Variants in DIAPH3 observed in about 807,000 individuals in gnomAD.
DIAPH3 encodes diaphanous related formin 3.
A neutral mutation model predicts 144.3 loss-of-function variants in DIAPH3; 117 were observed. That is an observed-to-expected ratio of 0.81 (90% CI 0.70 to 0.95). The LOEUF (loss-of-function observed/expected upper bound fraction) is 0.95. Among genes scored for constraint, DIAPH3 ranks in the 40% least tolerant of loss-of-function variants. DIAPH3 has a pLI of 0.00. For synonymous variants in DIAPH3, 519 were observed against 488.9 expected (o/e 1.06, Z -0.81); for missense variants, 1,421 against 1,412.7 (o/e 1.01, Z -0.09).
chr13:59,680,692 G>C (rs940313335), intron 27 of DIAPH3, among the ~76,000 whole-genome samples: 3 of 151,266 alleles, frequency 2.0e-5, no homozygotes, highest in African/African-American at 7.3e-5. Flanking sequence ...AATAACTTTT[G>C]GTGACTTAAA....
chr13:59,774,160 A>G, intron 27 of DIAPH3, 29 bp downstream of exon 27: 1 of 1,605,950 alleles, frequency 6.2e-7, no homozygotes, highest in Non-Finnish European at 8.5e-7. Flanking sequence ...GATAAGAAGA[A>G]TGTGCAATTT....
chr13:59,764,868 T>C (rs1043254953), intron 27 of DIAPH3, among the ~76,000 whole-genome samples: 4 of 152,124 alleles, frequency 2.6e-5, no homozygotes, highest in African/African-American at 9.7e-5. Context: ...AAATTTTTGT[T>C]GTTTTCAGCC....
chr13:59,928,396 G>T (rs774843576), intron 17 of DIAPH3, among the ~76,000 whole-genome samples: 5 of 151,780 alleles, frequency 3.3e-5, no homozygotes, highest in Non-Finnish European at 7.4e-5. Context: ...TTTTTATTTG[G>T]GGTGTGTTAT....
intron 3 of DIAPH3, among the ~76,000 whole-genome samples, chr13:60,103,906 C>T (rs2058339928): frequency 6.6e-6 from 1 of 152,106 alleles, no homozygotes; most frequent in African/African-American, 2.4e-5. Flanking sequence ...CACACAATAT[C>T]AAACGGTCAA....
At chr13:59,969,271 TC>T (rs763971033) in intron 17 of DIAPH3, among the ~76,000 whole-genome samples, 1 of 152,134 alleles carries the variant, frequency 6.6e-6, no homozygotes, top group Admixed American at 6.5e-5. Flanking sequence ...AATGAAAAGA[TC>T]ATATAACCTA....
intron 24 of DIAPH3, among the ~76,000 whole-genome samples, chr13:59,829,855 G>A (rs1322860615): frequency 6.6e-6 from 1 of 151,842 alleles, no homozygotes; most frequent in African/African-American, 2.4e-5. Flanking sequence ...ACTGCCAATG[G>A]GGGAGTAGGT....
intron 12 of DIAPH3, among the ~76,000 whole-genome samples, chr13:59,988,398 G>A (rs1054667037): frequency 2.0e-5 from 3 of 151,808 alleles, no homozygotes; most frequent in Non-Finnish European, 4.4e-5. Context: ...AAATGAAAAT[G>A]TTTTAAATTA....
intron 25 of DIAPH3, among the ~76,000 whole-genome samples, chr13:59,808,016 A>T (rs1027989254): frequency 2.0e-5 from 3 of 151,876 alleles, no homozygotes; most frequent in African/African-American, 7.2e-5. Flanking sequence ...CAAATATATG[A>T]TTAAGGGAAG....
chr13:59,748,914 G>A (rs2036838412), intron 27 of DIAPH3, among the ~76,000 whole-genome samples: 2 of 152,046 alleles, frequency 1.3e-5, no homozygotes, highest in South Asian at 4.1e-4. Flanking sequence ...AGCACACAGT[G>A]TTTCAAAAGT....
At chr13:60,110,782 A>T (rs1483661218) in intron 3 of DIAPH3, among the ~76,000 whole-genome samples, 2 of 152,198 alleles carry the variant, frequency 1.3e-5, no homozygotes, top group Non-Finnish European at 2.9e-5. Flanking sequence ...TGAAAAAGTG[A>T]TCTGGCCCAG....
At chr13:59,916,107 G>C (rs1439865343) in intron 19 of DIAPH3, 48 bp downstream of exon 19, 23 of 1,495,906 alleles carry the variant, frequency 1.5e-5, no homozygotes, top group Non-Finnish European at 1.9e-5. Context: ...TATTTAATGA[G>C]AAGCTTGCAA....
chr13:60,142,106 T>C (rs533620814), intron 1 of DIAPH3, among the ~76,000 whole-genome samples: 1 of 152,360 alleles, frequency 6.6e-6, no homozygotes, highest in South Asian at 2.1e-4. Context: ...TCCCAGACCA[T>C]TTCAAAGACG....
intron 27 of DIAPH3, among the ~76,000 whole-genome samples, chr13:59,707,753 A>G (rs2034509150): frequency 6.6e-6 from 1 of 152,154 alleles, no homozygotes; most frequent in South Asian, 2.1e-4. Flanking sequence ...CACTGCTGAC[A>G]TCTTTCCACC....
chr13:59,753,694 A>C (rs1434748720), intron 27 of DIAPH3, among the ~76,000 whole-genome samples: 1 of 152,174 alleles, frequency 6.6e-6, no homozygotes. Context: ...ATTTGTTATA[A>C]ATATATTTCT....
intron 5 of DIAPH3, among the ~76,000 whole-genome samples, chr13:60,016,595 T>C (rs1323744337): frequency 1.3e-5 from 2 of 152,086 alleles, no homozygotes; most frequent in Admixed American, 1.3e-4. Context: ...TAAAGATCTA[T>C]GGAGGAAAGA....
At chr13:59,897,405 G>C (rs1161006444) in intron 20 of DIAPH3, among the ~76,000 whole-genome samples, 1 of 152,180 alleles carries the variant, frequency 6.6e-6, no homozygotes, top group Non-Finnish European at 1.5e-5. Flanking sequence ...AAGAATCGTA[G>C]AATAGTGAGA....
chr13:59,680,755 T>C (rs1008698914), intron 27 of DIAPH3, among the ~76,000 whole-genome samples: 2 of 152,068 alleles, frequency 1.3e-5, no homozygotes, highest in Non-Finnish European at 2.9e-5. Context: ...AATAATAATA[T>C]GTTTATTAAT....
At chr13:59,900,106 A>AT (rs1282548630) in intron 20 of DIAPH3, among the ~76,000 whole-genome samples, 4 of 152,064 alleles carry the variant, frequency 2.6e-5, no homozygotes, top group Non-Finnish European at 2.9e-5. Context: ...CATGTGAGTG[A>AT]TTTTTTCCCT....
At chr13:59,926,376 G>A (rs920344038) in intron 17 of DIAPH3, among the ~76,000 whole-genome samples, 1 of 151,944 alleles carries the variant, frequency 6.6e-6, no homozygotes, top group Non-Finnish European at 1.5e-5. Flanking sequence ...TTGGTTTGTT[G>A]TTTTCCTAGT....
Sources: allele counts gnomAD v4.1 joint callset (sites outside exome capture counted in the v4.1 genomes callset), GRCh38; gene constraint gnomAD v4.1.1; transcripts MANE v1.5; gene names NCBI Gene and HGNC (gene_info 2026-07-23, HGNC 2026-07-21).